The following FTO variants were observed in gnomAD, a reference collection of about 807,000 sequenced individuals.
FTO encodes FTO alpha-ketoglutarate dependent dioxygenase.
FTO carries 47 observed loss-of-function variants against 63.9 expected under a neutral mutation model. The ratio of observed to expected loss-of-function variants is 0.74; its 90% CI spans 0.58 to 0.94. The LOEUF (loss-of-function observed/expected upper bound fraction) is 0.94. Among genes scored for constraint, FTO ranks in the 40% least tolerant of loss-of-function variants. The pLI, the probability that FTO is intolerant of heterozygous loss-of-function variation, is 0.00. For missense variants in FTO, 562 were observed against 618.1 expected (o/e 0.91, Z 0.96); for synonymous variants, 207 against 224.4 (o/e 0.92, Z 0.69).
chr16:54,047,096 C>T (rs1382858589), intron 8 of FTO, among the ~76,000 whole-genome samples: 119 of 134,078 alleles, frequency 8.9e-4, no homozygotes, highest in Admixed American at 5.4e-3. Flanking sequence ...GCAACAAAAG[C>T]CAAAATTGAC....
At chr16:53,936,403 A>T (rs1376795123) in intron 8 of FTO, among the ~76,000 whole-genome samples, 1 of 152,180 alleles carries the variant, frequency 6.6e-6, no homozygotes, top group Non-Finnish European at 1.5e-5. Context: ...GATGTTTCCC[A>T]TCTTAGTGAC....
At position 53,830,949 on chromosome 16, in the gene FTO, G is replaced by A. The variant is rs186818272; in HGVS notation, c.751+4458G>A. On this transcript the variant is annotated intron_variant, in intron 3 of 8. Coordinates refer to ENST00000471389, the MANE Select transcript of FTO (RefSeq NM_001080432.3). ...CAAAACCCAGGAAGGCTCACAAAAG[G>A]AAGAAACCGATCCATGTTTCCTGTT... Among the ~76,000 whole-genome samples the A allele has an allele frequency of 9.9e-5, 15 of 152,202 alleles. No homozygotes were observed. The East Asian group carries it at 2.7e-3, about 27-fold the overall frequency.
At chr16:53,936,520 G>A (rs547808587) in intron 8 of FTO, among the ~76,000 whole-genome samples, 9 of 152,250 alleles carry the variant, frequency 5.9e-5, no homozygotes, top group Admixed American at 3.9e-4. Context: ...GCATTGCCTC[G>A]AGTAGCCGTC....
At chr16:53,948,071 G>A (rs976935276) in intron 8 of FTO, among the ~76,000 whole-genome samples, 4 of 152,238 alleles carry the variant, frequency 2.6e-5, no homozygotes, top group Admixed American at 6.5e-5. Flanking sequence ...CCATTGTAAA[G>A]TAAGAGAGCC....
chr16:54,062,182 A>G (rs1036203986), intron 8 of FTO, among the ~76,000 whole-genome samples: 1 of 152,238 alleles, frequency 6.6e-6, no homozygotes, highest in Admixed American at 6.5e-5. Flanking sequence ...ACTCGTGGAA[A>G]TGATTACAAG....
At chr16:53,913,735 T>G (rs2081778340) in intron 7 of FTO, among the ~76,000 whole-genome samples, 1 of 152,088 alleles carries the variant, frequency 6.6e-6, no homozygotes, top group Non-Finnish European at 1.5e-5. Context: ...TCCTAGCACT[T>G]TGGGAGTCTG....
At chr16:54,002,651 CT>C (rs1359290182) in intron 8 of FTO, among the ~76,000 whole-genome samples, 4 of 152,174 alleles carry the variant, frequency 2.6e-5, no homozygotes, top group Non-Finnish European at 4.4e-5. Flanking sequence ...ATCTTCAAAG[CT>C]TTTAATAAGC....
chr16:54,084,092 T>C (rs1027822099), intron 8 of FTO, among the ~76,000 whole-genome samples: 1 of 152,204 alleles, frequency 6.6e-6, no homozygotes, highest in Admixed American at 6.5e-5. Flanking sequence ...AATGCAAATA[T>C]TCCCAAATCT....
chr16:53,772,540 C>T (rs1173582186), intron 1 of FTO, among the ~76,000 whole-genome samples: 2 of 152,048 alleles, frequency 1.3e-5, no homozygotes, highest in Non-Finnish European at 2.9e-5. Context: ...TGTCTTCCAA[C>T]ATTAAAATGT....
chr16:54,008,754 A>T (rs1485934579), intron 8 of FTO, among the ~76,000 whole-genome samples: 3 of 151,188 alleles, frequency 2.0e-5, no homozygotes, highest in Non-Finnish European at 4.4e-5. Context: ...TTTATTTTCA[A>T]GAGGTCTATC....
At chr16:53,841,136 T>A (rs1391343276) in intron 3 of FTO, among the ~76,000 whole-genome samples, 4 of 149,112 alleles carry the variant, frequency 2.7e-5, no homozygotes, top group Non-Finnish European at 5.9e-5. Context: ...ACCCTTGTAG[T>A]GCCCATGACA....
At chr16:53,869,979 G>A (rs1486493524) in intron 4 of FTO, among the ~76,000 whole-genome samples, 2 of 152,156 alleles carry the variant, frequency 1.3e-5, no homozygotes, top group African/African-American at 4.8e-5. Context: ...TAATAATGTG[G>A]TGGTAAGGTA....
At chr16:53,762,075 A>T (rs749349772) in intron 1 of FTO, among the ~76,000 whole-genome samples, 10 of 152,150 alleles carry the variant, frequency 6.6e-5, no homozygotes, top group Non-Finnish European at 1.5e-4. Context: ...TTAGAAAGAG[A>T]AGGAATGGAA....
At chr16:53,960,385 A>G (rs1049374486) in intron 8 of FTO, among the ~76,000 whole-genome samples, 1 of 152,184 alleles carries the variant, frequency 6.6e-6, no homozygotes, top group Non-Finnish European at 1.5e-5. Context: ...CACTGGTGCA[A>G]TGGTATCGTT....
At chr16:53,890,899 C>A (rs528637537) in intron 7 of FTO, among the ~76,000 whole-genome samples, 36 of 152,218 alleles carry the variant, frequency 2.4e-4, no homozygotes, top group African/African-American at 8.7e-4. Context: ...ACTTGATGAA[C>A]CTTGGCTCTA....
At chr16:53,836,302 ATCAGCG>A (rs2079291685) in intron 3 of FTO, among the ~76,000 whole-genome samples, 1 of 152,212 alleles carries the variant, frequency 6.6e-6, no homozygotes, top group Admixed American at 6.5e-5. Flanking sequence ...AATGAAACAT[ATCAGCG>A]TCCTAGAAGT....
chr16:53,742,079 C>G (rs111870675), intron 1 of FTO, among the ~76,000 whole-genome samples: 1,673 of 152,108 alleles, frequency 0.011, 28 homozygotes, highest in East Asian at 0.04. Context: ...GTAACCTACT[C>G]TGGGAAGTAA....
chr16:53,980,165 A>C (rs535023681), intron 8 of FTO, among the ~76,000 whole-genome samples: 1 of 152,234 alleles, frequency 6.6e-6, no homozygotes, highest in Admixed American at 6.5e-5. Flanking sequence ...AAGCCACATG[A>C]CTTTGCTCTT....
intron 3 of FTO, among the ~76,000 whole-genome samples, 163 bp downstream of exon 3, chr16:53,826,654 T>C (rs2079014710): frequency 6.6e-6 from 1 of 152,204 alleles, no homozygotes; most frequent in Admixed American, 6.5e-5. Flanking sequence ...TTTAGTCTTG[T>C]CACACCTGTA....
Sources: gnomAD v4.1 joint callset for allele counts (sites outside exome capture counted in the v4.1 genomes callset) on GRCh38, gnomAD v4.1.1 for gene constraint, MANE v1.5 for transcripts, NCBI Gene and HGNC (gene_info 2026-07-23, HGNC 2026-07-21) for gene names.